HIVEP3: variants seen among roughly 807,000 people sequenced by gnomAD.
HIVEP3 encodes the protein HIVEP zinc finger 3, also known as transcription factor HIVEP3.
HIVEP3 carries 49 observed loss-of-function variants against 152.8 expected under a neutral mutation model. The ratio of observed to expected loss-of-function variants is 0.32; its 90% CI spans 0.26 to 0.41. HIVEP3 has a LOEUF of 0.41. Among genes scored for constraint, HIVEP3 ranks in the 10% least tolerant of loss-of-function variants. The pLI, the probability that HIVEP3 is intolerant of heterozygous loss-of-function variation, is 1.00. For missense variants in HIVEP3, 2,790 were observed against 3,103.3 expected (o/e 0.90, Z 2.40); for synonymous variants, 1,269 against 1,289.0 (o/e 0.98, Z 0.33).
chr1:41,925,981 G>A (rs1172960592), intron 1 of HIVEP3, among the ~76,000 whole-genome samples: 2 of 152,102 alleles, frequency 1.3e-5, no homozygotes, highest in Non-Finnish European at 2.9e-5. Context: ...TAAAGGGAAG[G>A]ATCATGCTTC....
chr1:41,518,274 A>G, intron 7 of HIVEP3, 128 bp downstream of exon 7: 1 of 784,814 alleles, frequency 1.3e-6, no homozygotes, highest in South Asian at 1.4e-5. Context: ...TATTGGAGGG[A>G]GAGAGGGGAG....
chr1:41,684,736 G>A (rs1046730669), intron 2 of HIVEP3, among the ~76,000 whole-genome samples: 4 of 152,182 alleles, frequency 2.6e-5, no homozygotes, highest in Non-Finnish European at 4.4e-5. Flanking sequence ...ATGGCCAGCC[G>A]CAGACCATGA....
chr1:41,654,060 A>G (rs1299087660), intron 2 of HIVEP3, among the ~76,000 whole-genome samples: 1 of 150,390 alleles, frequency 6.6e-6, no homozygotes, highest in Non-Finnish European at 1.5e-5. Flanking sequence ...CTTCCCAGCT[A>G]TCGTCACTGC....
chr1:41,904,852 C>T (rs1644684861), intron 1 of HIVEP3, among the ~76,000 whole-genome samples: 1 of 152,204 alleles, frequency 6.6e-6, no homozygotes, highest in Non-Finnish European at 1.5e-5. Flanking sequence ...ACCTCCAATC[C>T]CCCATCCTAA....
intron 1 of HIVEP3, among the ~76,000 whole-genome samples, chr1:41,924,499 C>A (rs1371235689): frequency 6.6e-6 from 1 of 152,082 alleles, no homozygotes; most frequent in Non-Finnish European, 1.5e-5. Context: ...ATATATCTTA[C>A]CTCACAAGTC....
At chr1:41,826,376 T>C (rs148477203) in intron 1 of HIVEP3, among the ~76,000 whole-genome samples, 1 of 152,178 alleles carries the variant, frequency 6.6e-6, no homozygotes, top group Non-Finnish European at 1.5e-5. Flanking sequence ...GCGCTTCAAG[T>C]GTGCTTGCAT....
chr1:41,522,402 G>A (rs867502261), intron 6 of HIVEP3, among the ~76,000 whole-genome samples: 2 of 152,116 alleles, frequency 1.3e-5, no homozygotes, highest in African/African-American at 4.8e-5. Context: ...TGCTCCCTTC[G>A]TTGGTTCTGG....
intron 1 of HIVEP3, among the ~76,000 whole-genome samples, chr1:41,730,434 T>G (rs1410214303): frequency 6.6e-6 from 1 of 152,188 alleles, no homozygotes; most frequent in African/African-American, 2.4e-5. Context: ...CTGGCACCAG[T>G]GCTCCTAGCC....
chr1:41,595,038 C>A (rs1644645310), intron 3 of HIVEP3, among the ~76,000 whole-genome samples: 1 of 152,344 alleles, frequency 6.6e-6, no homozygotes, highest in East Asian at 1.9e-4. Context: ...AGCACAGGTT[C>A]TAGCCCTATT....
chr1:41,766,205 A>C (rs568714813), intron 1 of HIVEP3, among the ~76,000 whole-genome samples: 8 of 152,308 alleles, frequency 5.3e-5, no homozygotes, highest in Admixed American at 4.6e-4. Context: ...AGTGCTTTCA[A>C]CTGGGGGTGT....
At chr1:41,942,746 T>C (rs1282494132) in intron 1 of HIVEP3, among the ~76,000 whole-genome samples, 1 of 152,194 alleles carries the variant, frequency 6.6e-6, no homozygotes, top group Admixed American at 6.5e-5. Context: ...CTGAGAATTA[T>C]ATGAATAATT....
At chr1:41,617,891 G>A (rs1418957269) in intron 3 of HIVEP3, among the ~76,000 whole-genome samples, 1 of 152,148 alleles carries the variant, frequency 6.6e-6, no homozygotes, top group Admixed American at 6.5e-5. Flanking sequence ...TTTTAGTTCA[G>A]TGTCTTCTTT....
At chr1:41,560,712 C>T (rs1054340892) in intron 5 of HIVEP3, among the ~76,000 whole-genome samples, 2 of 152,326 alleles carry the variant, frequency 1.3e-5, no homozygotes, top group South Asian at 4.2e-4. Context: ...AGCGGAGGCC[C>T]CTCCTCCAAG....
intron 1 of HIVEP3, among the ~76,000 whole-genome samples, chr1:41,963,421 T>A (rs1043985506): frequency 6.6e-6 from 1 of 151,076 alleles, no homozygotes; most frequent in Non-Finnish European, 1.5e-5. Flanking sequence ...TCCATGTCCT[T>A]ACAAAGGACA....
intron 1 of HIVEP3, among the ~76,000 whole-genome samples, chr1:41,880,682 C>T (rs895697304): frequency 7.9e-5 from 12 of 152,110 alleles, no homozygotes; most frequent in African/African-American, 9.7e-5. Flanking sequence ...GATCAGTTTT[C>T]GAGGTCTCCA....
chr1:41,610,947 A>T (rs1369537789), intron 3 of HIVEP3, among the ~76,000 whole-genome samples: 2 of 152,184 alleles, frequency 1.3e-5, no homozygotes, highest in Non-Finnish European at 2.9e-5. Context: ...GATGTTGTCA[A>T]GTATGATTTC....
chr1:41,646,353 C>A (rs75643960), intron 2 of HIVEP3, among the ~76,000 whole-genome samples: 179 of 152,306 alleles, frequency 1.2e-3, no homozygotes, highest in Non-Finnish European at 2.1e-3. Context: ...CTTCAGCATG[C>A]GGACACAGCC....
intron 4 of HIVEP3, among the ~76,000 whole-genome samples, chr1:41,577,711 G>A (rs993547526): frequency 6.6e-6 from 1 of 152,154 alleles, no homozygotes; most frequent in African/African-American, 2.4e-5. Flanking sequence ...AATGGAAGCC[G>A]CAAGCTGACA....
chr1:41,752,395 A>T (rs4660568), intron 1 of HIVEP3, among the ~76,000 whole-genome samples: 131,180 of 152,134 alleles, frequency 0.86, 59,173 homozygotes, highest in Non-Finnish European at 1. Context: ...GGCCTAGACC[A>T]GGGTCCACCT....
Sources: gnomAD v4.1 joint callset for allele counts (sites outside exome capture counted in the v4.1 genomes callset) on GRCh38, gnomAD v4.1.1 for gene constraint, MANE v1.5 for transcripts, NCBI Gene and HGNC (gene_info 2026-07-23, HGNC 2026-07-21) for gene names.